Variants in SMCO4 observed in about 807,000 individuals in gnomAD.
SMCO4 encodes single-pass membrane protein with coiled-coil domains 4.
A neutral mutation model predicts 3.6 loss-of-function variants in SMCO4; 4 were observed. The observed-to-expected ratio is 1.11, with a 90% CI of 0.54 to 2.53. SMCO4 has a LOEUF of 2.53. Among genes scored for constraint, SMCO4 ranks in the 30% most tolerant of loss-of-function variants. The probability of loss-of-function intolerance (pLI) is 0.02; values close to 1 mark genes in which losing one functional copy is unlikely to be tolerated. For synonymous variants in SMCO4, 36 were observed against 35.3 expected, an observed-to-expected ratio of 1.02 and a Z score of -0.07; for missense variants, 70 against 80.8, an observed-to-expected ratio of 0.87 and a Z score of 0.51.
intron 1 of SMCO4, among the ~76,000 whole-genome samples, chr11:93,533,783 C>T (rs1233026533): frequency 3.3e-5 from 5 of 152,144 alleles, no homozygotes; most frequent in Non-Finnish European, 5.9e-5. Context: ...CCCATAGCCC[C>T]CACCCTCATC....
chr11:93,502,576 T>C (rs1322386961), intron 1 of SMCO4, among the ~76,000 whole-genome samples: 2 of 152,194 alleles, frequency 1.3e-5, no homozygotes, highest in Non-Finnish European at 2.9e-5. Flanking sequence ...GGTATGGCCA[T>C]GGTAAAACAG....
chr11:93,480,875 T>G (rs1342348891), intron 2 of SMCO4, among the ~76,000 whole-genome samples: 1 of 152,230 alleles, frequency 6.6e-6, no homozygotes, highest in Non-Finnish European at 1.5e-5. Flanking sequence ...AAACCTTTTT[T>G]GTATCATTCA....
chr11:93,503,799 T>C (rs528614156), intron 1 of SMCO4, among the ~76,000 whole-genome samples: 2 of 152,342 alleles, frequency 1.3e-5, no homozygotes, highest in East Asian at 3.9e-4. Context: ...CATACCTTGA[T>C]TTCAGACTTC....
intron 1 of SMCO4, among the ~76,000 whole-genome samples, chr11:93,533,201 C>T (rs1226989939): frequency 1.3e-5 from 2 of 152,198 alleles, no homozygotes; most frequent in African/African-American, 2.4e-5. Context: ...TAACGACATA[C>T]ATGGTGTGGT....
rs1948975626 is a variant in SMCO4 at position 93,513,288 on chromosome 11, T to C, written c.-153-13940A>G. ...TCAATATATGTGAAGACCTTAGCAA[T>C]GTTAGCCTTTTTTTGTATGTGAAAC... is the stretch of plus-strand genomic sequence containing the variant. On this transcript the variant is annotated intron_variant, in intron 1 of 2. Coordinates refer to ENST00000298966, the MANE Select transcript of SMCO4 (RefSeq NM_020179.3). Among the ~76,000 whole-genome samples the C allele has an allele frequency of 3.3e-5, 5 of 152,260 alleles. No individual in the cohort carries two copies. In the South Asian group the frequency reaches 1.0e-3, roughly 31 times the overall value.
intron 2 of SMCO4, among the ~76,000 whole-genome samples, chr11:93,481,277 T>A (rs1004976708): frequency 6.6e-6 from 1 of 152,232 alleles, no homozygotes; most frequent in Admixed American, 6.5e-5. Flanking sequence ...ACTGTGAGAA[T>A]CTGGAAAACA....
rs376702538 is a variant in SMCO4 at position 93,529,940 on chromosome 11, G to A, written c.-154+13336C>T. On this transcript the variant is annotated intron_variant, in intron 1 of 2. Transcript: ENST00000298966. ...TGGCAGCAGAGGGCCCTGGGCCCAC[G>A]TACCAAGACCACACAGCCATCTACT... Among the ~76,000 whole-genome samples, 5 of 152,324 alleles carry A rather than the reference G, an allele frequency of 3.3e-5. No homozygotes were observed. In the South Asian group the frequency reaches 6.2e-4, roughly 19 times the overall value.
rs530818485 is a variant in SMCO4, at chr11:93,525,766, T to A, written c.-154+17510A>T. ...TAGATATCTGTGACCTACTTAGTCT[T>A]CGAGTACCATTCTCAAAGCCAAAAA... On this transcript the variant is annotated intron_variant, in intron 1 of 2. Transcript: ENST00000298966. Among the ~76,000 whole-genome samples, 28 of 152,294 alleles carry A rather than the reference T, an allele frequency of 1.8e-4. No homozygotes were observed. In the East Asian group the frequency reaches 5.0e-3, roughly 27 times the overall value.
chr11:93,550,332 C>T, the SMCO4 span, among the ~76,000 whole-genome samples: 3 of 152,026 alleles, frequency 2.0e-5, no homozygotes, highest in African/African-American at 7.2e-5. Context: ...AGTAAGACCA[C>T]ACTAAAATCA....
intron 1 of SMCO4, among the ~76,000 whole-genome samples, chr11:93,511,580 G>A (rs1053729119): frequency 5.9e-5 from 9 of 152,096 alleles, no homozygotes; most frequent in African/African-American, 2.2e-4. Context: ...TTGGAGTTAG[G>A]CACTTATGTG....
intron 1 of SMCO4, among the ~76,000 whole-genome samples, chr11:93,499,881 G>A (rs1948817746): frequency 6.6e-6 from 1 of 152,220 alleles, no homozygotes; most frequent in Admixed American, 6.5e-5. Flanking sequence ...AGGAAAGGAA[G>A]AGAGATGTGT....
intron 1 of SMCO4, among the ~76,000 whole-genome samples, chr11:93,499,929 C>T (rs1948818332): frequency 6.6e-6 from 1 of 152,128 alleles, no homozygotes; most frequent in South Asian, 2.1e-4. Context: ...TAACTCAAAA[C>T]CTCAGTGGCA....
At chr11:93,495,689 C>T (rs1466879262) in intron 2 of SMCO4, among the ~76,000 whole-genome samples, 1 of 152,036 alleles carries the variant, frequency 6.6e-6, no homozygotes, top group Admixed American at 6.5e-5. Context: ...GGGGAGGTTG[C>T]TTGGGGAGTA....
intron 2 of SMCO4, among the ~76,000 whole-genome samples, chr11:93,487,661 A>G: frequency 6.6e-6 from 1 of 152,148 alleles, no homozygotes; most frequent in Admixed American, 6.5e-5. Context: ...GATAAGTCAC[A>G]TTTTTTTGGC....
chr11:93,515,639 C>G (rs572162058), intron 1 of SMCO4, among the ~76,000 whole-genome samples: 1 of 152,294 alleles, frequency 6.6e-6, no homozygotes, highest in Admixed American at 6.5e-5. Flanking sequence ...CCTACAAGTT[C>G]CTCCTACTCC....
At chr11:93,535,473 T>C in intron 1 of SMCO4, 1 of 1,397,328 alleles carries the variant, frequency 7.2e-7, no homozygotes, top group Non-Finnish European at 1.0e-6. Flanking sequence ...GCCGCGATGG[T>C]GTTGTTGGAG....
chr11:93,542,117 A>G (rs1949275677), intron 1 of SMCO4, among the ~76,000 whole-genome samples: 1 of 151,108 alleles, frequency 6.6e-6, no homozygotes, highest in Non-Finnish European at 1.5e-5. Flanking sequence ...TAAAGGGGAA[A>G]AAAAAAAAGC....
chr11:93,520,742 T>C (rs1164505926), intron 1 of SMCO4, among the ~76,000 whole-genome samples: 1 of 152,242 alleles, frequency 6.6e-6, no homozygotes. Context: ...CTCAAAACTC[T>C]CCAGCCTGGA....
At chr11:93,511,669 T>C (rs187018300) in intron 1 of SMCO4, among the ~76,000 whole-genome samples, 2 of 152,198 alleles carry the variant, frequency 1.3e-5, no homozygotes, top group Non-Finnish European at 2.9e-5. Flanking sequence ...CTTATCACCT[T>C]GTGCCCTGAG....
Sources: allele counts gnomAD v4.1 joint callset (sites outside exome capture counted in the v4.1 genomes callset), GRCh38; gene constraint gnomAD v4.1.1; transcripts MANE v1.5; gene names NCBI Gene and HGNC (gene_info 2026-07-23, HGNC 2026-07-21).